SSH2: variants seen among roughly 807,000 people sequenced by gnomAD.
SSH2 encodes the protein slingshot protein phosphatase 2.
In SSH2, 37 loss-of-function variants were observed where a neutral mutation model predicts 135.2. The ratio of observed to expected loss-of-function variants is 0.27; its 90% CI spans 0.21 to 0.36. The LOEUF is 0.36. SSH2 is among the 10% of genes least tolerant of loss of function. The probability of loss-of-function intolerance (pLI) is 1.00; values close to 1 mark genes in which losing one functional copy is unlikely to be tolerated. For missense variants in SSH2, 1,408 were observed against 1,765.3 expected (o/e 0.80, Z 3.63); for synonymous variants, 628 against 646.2 (o/e 0.97, Z 0.43).
At chr17:29,791,793 A>C (rs2042070034) in intron 3 of SSH2, among the ~76,000 whole-genome samples, 1 of 152,058 alleles carries the variant, frequency 6.6e-6, no homozygotes. Context: ...GGTTTTTTTC[A>C]TTTCTTATTT....
chr17:29,632,528 T>C lies in SSH2; in HGVS notation c.2666A>G (p.Tyr889Cys). ...GSGMHPGAKWYPGSVRRATLE... is the reference protein window; with the variant it reads ...GSGMHPGAKWCPGSVRRATLE... ...GGTGGCTCGCCTCACAGACCCAGGG[T>C]ACCACTTGGCACCTGGGTGCATCCC... The change falls in exon 16 of 16, where the codon TAC (tyrosine) becomes TGC (cysteine). Residue 889 changes from tyrosine (Y) to cysteine (C), a missense_variant. Physicochemically the swap from Tyr to Cys is radical, Grantham distance 194 (BLOSUM62 -2). Coordinates refer to ENST00000540801, the MANE Select transcript of SSH2 (RefSeq NM_001282129.2). 6.2e-7 allele frequency: 1 copy of C among 1,614,192 alleles called. No individual in the cohort carries two copies.
intron 2 of SSH2, among the ~76,000 whole-genome samples, chr17:29,795,653 T>G (rs374557137): frequency 6.6e-6 from 1 of 152,204 alleles, no homozygotes; most frequent in Non-Finnish European, 1.5e-5. Flanking sequence ...TAAATAGAAA[T>G]GATTTCCTGG....
At chr17:29,760,607 G>A (rs2041260614) in intron 3 of SSH2, among the ~76,000 whole-genome samples, 1 of 152,086 alleles carries the variant, frequency 6.6e-6, no homozygotes. Flanking sequence ...CGTACCAGTA[G>A]TACAGGAGGA....
intron 3 of SSH2, among the ~76,000 whole-genome samples, chr17:29,719,941 T>A (rs1379271158): frequency 2.0e-5 from 3 of 152,136 alleles, no homozygotes; most frequent in African/African-American, 7.2e-5. Flanking sequence ...AATTTTTTAG[T>A]AGAGATGGGG....
intron 3 of SSH2, among the ~76,000 whole-genome samples, chr17:29,791,334 C>T (rs778974942): frequency 1.8e-4 from 27 of 152,016 alleles, no homozygotes; most frequent in Non-Finnish European, 3.8e-4. Context: ...GATCCGTCTG[C>T]CTCAGCCTCC....
intron 1 of SSH2, among the ~76,000 whole-genome samples, chr17:29,860,036 T>C (rs1003211789): frequency 6.6e-6 from 1 of 151,926 alleles, no homozygotes; most frequent in South Asian, 2.1e-4. Context: ...TTAGTAGAGA[T>C]AGGGTTTCAC....
chr17:29,904,837 A>G (rs1026239480), intron 1 of SSH2, among the ~76,000 whole-genome samples: 1 of 152,228 alleles, frequency 6.6e-6, no homozygotes, highest in Non-Finnish European at 1.5e-5. Context: ...AAAAATTGCT[A>G]GCATTTCTAT....
chr17:29,815,813 T>G (rs988885941), intron 2 of SSH2, among the ~76,000 whole-genome samples: 1 of 152,142 alleles, frequency 6.6e-6, no homozygotes, highest in African/African-American at 2.4e-5. Flanking sequence ...CTATTCAATG[T>G]CCTTTTTCTC....
rs1377579160 is a variant in SSH2 at position 29,684,594 on chromosome 17, C to T, written c.448G>A (p.Val150Ile). ...TTAGAGGAGAAATCCATTCCTAGGA[C>T]GATGCTTTCTTCAGTGTCTTGTCTA... ...NGRQDTEESI[V>I]LGMDFSSNDS... The change falls in exon 6 of 16, where the codon GTC becomes ATC. Residue 150 changes from valine to isoleucine, a missense_variant. Transcript: ENST00000540801. 11 of 1,612,980 alleles carry T rather than the reference C, an allele frequency of 6.8e-6. No individual in the cohort carries two copies. The highest frequency in any genetic ancestry group is 9.3e-6 in the Non-Finnish European group (11 of 1,179,474).
At chr17:29,879,193 T>C (rs936876887) in intron 1 of SSH2, among the ~76,000 whole-genome samples, 27 of 152,150 alleles carry the variant, frequency 1.8e-4, no homozygotes, top group East Asian at 1.9e-4. Flanking sequence ...ACTAAGAATA[T>C]TGAAAATCTG....
chr17:29,905,345 C>T (rs2066633773), intron 1 of SSH2, among the ~76,000 whole-genome samples: 1 of 152,130 alleles, frequency 6.6e-6, no homozygotes. Context: ...ACCACACACC[C>T]ATGACTGATG....
chr17:29,642,424 A>G (rs2036201693), intron 14 of SSH2, among the ~76,000 whole-genome samples: 1 of 152,062 alleles, frequency 6.6e-6, no homozygotes, highest in Non-Finnish European at 1.5e-5. Context: ...ACACGGTCCA[A>G]CTTGCAAATG....
At chr17:29,635,191 C>T (rs754877711) in intron 15 of SSH2, among the ~76,000 whole-genome samples, 10 of 151,990 alleles carry the variant, frequency 6.6e-5, no homozygotes, top group Admixed American at 6.5e-5. Flanking sequence ...CGTGAGCCAC[C>T]GCGCCCGGCC....
chr17:29,925,920 A>G (rs2067055452), intron 1 of SSH2, among the ~76,000 whole-genome samples: 1 of 152,228 alleles, frequency 6.6e-6, no homozygotes, highest in African/African-American at 2.4e-5. Flanking sequence ...AAGTTTAAAA[A>G]AAGAAAATTT....
At chr17:29,761,319 C>T (rs2151255334) in intron 3 of SSH2, 2 of 1,199,458 alleles carry the variant, frequency 1.7e-6, no homozygotes, top group South Asian at 2.8e-5. Flanking sequence ...CTGGCCTCTG[C>T]TCTGCTCCGG....
chr17:29,671,830 G>A, intron 9 of SSH2, 105 bp downstream of exon 9: 1 of 955,234 alleles, frequency 1.0e-6, no homozygotes, highest in Non-Finnish European at 1.6e-6. Flanking sequence ...ATATTCCTAG[G>A]TAAGATTAAC....
At chr17:29,680,083 G>A (rs1039899518) in intron 6 of SSH2, among the ~76,000 whole-genome samples, 3 of 152,116 alleles carry the variant, frequency 2.0e-5, no homozygotes, top group Non-Finnish European at 4.4e-5. Flanking sequence ...AACAAATGTT[G>A]AATATGAATC....
Position 29,753,797 on chromosome 17 carries a change from A to C in SSH2, c.188+40097T>G, listed in dbSNP as rs890905597. On this transcript the variant is annotated intron_variant, in intron 3 of 15. Transcript: ENST00000540801. ...GATAGAGTGAGACTCTGTCTGAAAA[A>C]AAAAAAAAAAAAGAACAAATTGGTA... 6.4e-3 allele frequency among the ~76,000 whole-genome samples: 974 copies of C among 151,898 alleles called. 5 individuals carry two copies. The highest frequency in any genetic ancestry group is 0.022 in the African/African-American group (932 of 41,446).
intron 4 of SSH2, 45 bp from the exon 5 acceptor site, chr17:29,695,568 T>C (rs1256501313): frequency 6.5e-7 from 1 of 1,543,434 alleles, no homozygotes; most frequent in Non-Finnish European, 8.9e-7. Context: ...TCCATTCTAA[T>C]GTTGACAGAG....
Sources: allele counts gnomAD v4.1 joint callset (sites outside exome capture counted in the v4.1 genomes callset), GRCh38; gene constraint gnomAD v4.1.1; transcripts MANE v1.5; gene names NCBI Gene and HGNC (gene_info 2026-07-23, HGNC 2026-07-21).